The following PTPRK variants were observed in gnomAD, a reference collection of about 807,000 sequenced individuals.
PTPRK encodes the protein protein tyrosine phosphatase receptor type K, also known as receptor-type tyrosine-protein phosphatase kappa.
A neutral mutation model predicts 178.0 loss-of-function variants in PTPRK; 75 were observed. That is an observed-to-expected ratio of 0.42 (90% CI 0.35 to 0.51). The LOEUF (loss-of-function observed/expected upper bound fraction) is 0.51. PTPRK is among the 20% of genes least tolerant of loss of function. The probability of loss-of-function intolerance (pLI) is 0.02; values close to 1 mark genes in which losing one functional copy is unlikely to be tolerated. For synonymous variants in PTPRK, 637 were observed against 620.6 expected (o/e 1.03, Z -0.39); for missense variants, 1,441 against 1,797.8 (o/e 0.80, Z 3.59).
intron 1 of PTPRK, among the ~76,000 whole-genome samples, chr6:128,425,443 A>G (rs1305111518): frequency 1.3e-5 from 2 of 152,092 alleles, no homozygotes; most frequent in Admixed American, 6.5e-5. Context: ...AGGCTAATGT[A>G]TCATTCTTAT....
At chr6:128,415,504 GAAA>G (rs11373222) in intron 1 of PTPRK, among the ~76,000 whole-genome samples, 1 of 144,020 alleles carries the variant, frequency 6.9e-6, no homozygotes, top group African/African-American at 2.6e-5. Context: ...TATGCAGTGA[GAAA>G]AAAAAAAAAA....
chr6:128,399,951 A>G (rs1447094144), intron 1 of PTPRK, among the ~76,000 whole-genome samples: 1 of 152,206 alleles, frequency 6.6e-6, no homozygotes, highest in Non-Finnish European at 1.5e-5. Context: ...AATAATTTTT[A>G]ATTTCTAATT....
At position 128,510,586 on chromosome 6, in the gene PTPRK, C is replaced by T. The variant is rs116515220; in HGVS notation, c.100+9673G>A. On this transcript the variant is annotated intron_variant, in intron 1 of 29. Coordinates refer to ENST00000368226, the MANE Select transcript of PTPRK (RefSeq NM_002844.4). ...TTACCACAGCTTACTTTACCCTTTG[C>T]TTTCTATTAAAAATAAATAAATGCA... 8.5e-3 allele frequency among the ~76,000 whole-genome samples: 1,288 copies of T among 152,226 alleles called. 22 individuals carry two copies. The highest frequency in any genetic ancestry group is 0.03 in the African/African-American group (1,243 of 41,532).
chr6:128,130,578 G>A (rs1376892671), intron 7 of PTPRK, among the ~76,000 whole-genome samples: 3 of 152,056 alleles, frequency 2.0e-5, no homozygotes, highest in East Asian at 1.9e-4. Flanking sequence ...AGTCATTATC[G>A]AGTGAAAGGG....
At chr6:128,003,292 T>A in intron 15 of PTPRK, 2 of 1,396,992 alleles carry the variant, frequency 1.4e-6, no homozygotes, top group Non-Finnish European at 2.0e-6. Context: ...TTTAAAATCT[T>A]TTTTCTTTAA....
At position 128,339,382 on chromosome 6, in the gene PTPRK, C is replaced by T. The variant is rs76888862; in HGVS notation, c.224-17072G>A. On this transcript the variant is annotated intron_variant, in intron 2 of 29. Transcript: ENST00000368226. ...ATGTAACTAATTCAGGTATCTGAAG[C>T]ATATTCACCTCTTGACCCTCACTAA... Among the ~76,000 whole-genome samples, 1,469 of 152,250 alleles carry T rather than the reference C, an allele frequency of 9.6e-3. 25 individuals are homozygous for T. The highest frequency in any genetic ancestry group is 0.033 in the African/African-American group (1,382 of 41,562).
chr6:128,416,313 G>A (rs956310839), intron 1 of PTPRK, among the ~76,000 whole-genome samples: 2 of 151,832 alleles, frequency 1.3e-5, no homozygotes, highest in Non-Finnish European at 2.9e-5. Flanking sequence ...TTGTTGATGG[G>A]CAGGATCAAG....
At chr6:127,990,191 C>T (rs1231047315) in intron 21 of PTPRK, among the ~76,000 whole-genome samples, 1 of 152,056 alleles carries the variant, frequency 6.6e-6, no homozygotes, top group Admixed American at 6.6e-5. Flanking sequence ...TGTGATTTCT[C>T]TGCCTTCATT....
chr6:128,005,988 A>G, intron 14 of PTPRK: 1 of 1,473,854 alleles, frequency 6.8e-7, no homozygotes, highest in Non-Finnish European at 9.3e-7. Context: ...TGCATCCTTA[A>G]CACACGTAAA....
intron 10 of PTPRK, among the ~76,000 whole-genome samples, chr6:128,082,154 A>C (rs1453553738): frequency 2.6e-5 from 4 of 152,132 alleles, no homozygotes; most frequent in Admixed American, 2.6e-4. Flanking sequence ...GTATCATAAG[A>C]TCTATTAGGA....
chr6:128,417,873 C>T (rs78076328), intron 1 of PTPRK, among the ~76,000 whole-genome samples: 3,890 of 152,274 alleles, frequency 0.026, 160 homozygotes, highest in African/African-American at 0.088. Context: ...AATTCCCAGA[C>T]ACATTCTTGG....
At chr6:128,147,615 C>A (rs1209623383) in intron 7 of PTPRK, among the ~76,000 whole-genome samples, 1 of 152,126 alleles carries the variant, frequency 6.6e-6, no homozygotes, top group African/African-American at 2.4e-5. Context: ...ACAGAGACTT[C>A]TTCCTATCAG....
At chr6:128,228,216 A>T (rs894628814) in intron 5 of PTPRK, among the ~76,000 whole-genome samples, 1 of 152,088 alleles carries the variant, frequency 6.6e-6, no homozygotes, top group Non-Finnish European at 1.5e-5. Flanking sequence ...TGAGTGAAAA[A>T]GGGGTAATTT....
In PTPRK at chr6:127,998,621, T is replaced by A; in HGVS notation, c.2679+99A>T. ...CTAGATTAGAGAGCCTATAGAACAA[T>A]CCCCTCCTTGTTGTGTTAAAGAGAG... is the stretch of plus-strand genomic sequence containing the variant. On this transcript the variant is annotated intron_variant, in intron 16 of 29. Transcript: ENST00000368226. 4 of 967,246 alleles carry A rather than the reference T, an allele frequency of 4.1e-6. No homozygotes were observed. In the South Asian group the frequency reaches 8.2e-5, roughly 20 times the overall value. The allele number at this position is 967,246 out of a possible 1,614,324, so 59.9% of individuals were successfully genotyped here.
In PTPRK at chr6:127,995,348, A is replaced by G. The variant is rs147279214; in HGVS notation, c.2844+114T>C. 101 of 1,538,616 alleles carry G rather than the reference A, an allele frequency of 6.6e-5. 2 individuals are homozygous for G. In the East Asian group the frequency reaches 2.3e-3, roughly 35 times the overall value. On this transcript the variant is annotated intron_variant, in intron 18 of 29. Transcript: ENST00000368226. Reference sequence around the variant, plus strand: ...TAGGACGCAGAACAAGGAAAAGTGTACAGTTTGTACTTTTATATTTTAAAA... The same window carrying G: ...TAGGACGCAGAACAAGGAAAAGTGTGCAGTTTGTACTTTTATATTTTAAAA...
intron 1 of PTPRK, among the ~76,000 whole-genome samples, chr6:128,507,879 C>T (rs1357826911): frequency 2.0e-5 from 3 of 152,244 alleles, no homozygotes; most frequent in Middle Eastern, 6.8e-3. Flanking sequence ...CTCTGCCTGA[C>T]TTTGTTTACA....
chr6:127,997,821 C>T (rs1350095696), intron 16 of PTPRK, among the ~76,000 whole-genome samples: 1 of 152,014 alleles, frequency 6.6e-6, no homozygotes, highest in Non-Finnish European at 1.5e-5. Context: ...ATTAACACTC[C>T]TAATTTAAGG....
intron 6 of PTPRK, among the ~76,000 whole-genome samples, chr6:128,187,941 G>A (rs575056704): frequency 6.6e-6 from 1 of 152,170 alleles, no homozygotes; most frequent in South Asian, 2.1e-4. Flanking sequence ...TAACAATGGG[G>A]CTTATTTATA....
chr6:128,178,753 G>A (rs1474997420), intron 7 of PTPRK, among the ~76,000 whole-genome samples: 1 of 151,634 alleles, frequency 6.6e-6, no homozygotes, highest in Non-Finnish European at 1.5e-5. Flanking sequence ...AGCTTCCAGA[G>A]ATGGGATGAT....
Sources: allele counts gnomAD v4.1 joint callset (sites outside exome capture counted in the v4.1 genomes callset), GRCh38; gene constraint gnomAD v4.1.1; transcripts MANE v1.5; gene names NCBI Gene and HGNC (gene_info 2026-07-23, HGNC 2026-07-21).